The following NUCKS1 variants were observed in gnomAD, a reference collection of about 807,000 sequenced individuals.
The protein encoded by NUCKS1 is nuclear ubiquitous casein and cyclin-dependent kinase substrate 1.
Under a neutral mutation model 33.0 loss-of-function variants are expected in NUCKS1, and 2 were observed. The ratio of observed to expected loss-of-function variants is 0.06; its 90% CI spans 0.02 to 0.19. The LOEUF is 0.19. Ranked by LOEUF, NUCKS1 falls within the 10% of genes least tolerant of loss-of-function variation. The pLI, the probability that NUCKS1 is intolerant of heterozygous loss-of-function variation, is 1.00. For missense variants in NUCKS1, 201 were observed against 293.6 expected (o/e 0.68, Z 2.31); for synonymous variants, 106 against 102.8 (o/e 1.03, Z -0.19).
chr1:205,717,534 G>GA lies in NUCKS1; in HGVS notation c.*745dup. 1 of 983,724 alleles carries GA rather than the reference G, an allele frequency of 1.0e-6. No homozygotes were observed. The highest frequency in any genetic ancestry group is 1.2e-6 in the Non-Finnish European group (1 of 829,728). 60.9% of individuals were successfully genotyped at this position (983,724 alleles called of 1,614,324 possible). A position where few individuals can be genotyped will look rare whatever the true frequency, so the allele number is the denominator to read the frequency against. On this transcript the variant is annotated 3_prime_UTR_variant, in exon 7 of 7. Coordinates refer to ENST00000367142, the MANE Select transcript of NUCKS1 (RefSeq NM_022731.5). ...TTTAGCTCCCTAAAGACTGTAGCAG[G>GA]ATAAAAGGATCACTGGCTCCGAGTC...
At chr1:205,742,060 T>C (rs531897263) in intron 1 of NUCKS1, among the ~76,000 whole-genome samples, 82 of 152,348 alleles carry the variant, frequency 5.4e-4, no homozygotes, top group African/African-American at 1.6e-3. Flanking sequence ...CAGCAAGTCC[T>C]TGGAAGACAA....
chr1:205,748,183 T>G (rs1404457892), intron 1 of NUCKS1, among the ~76,000 whole-genome samples: 3 of 152,224 alleles, frequency 2.0e-5, no homozygotes. Flanking sequence ...AAAATCCAAG[T>G]TTTCCAGTAA....
chr1:205,749,124 C>G (rs1654406925), intron 1 of NUCKS1, among the ~76,000 whole-genome samples: 1 of 152,170 alleles, frequency 6.6e-6, no homozygotes, highest in Admixed American at 6.5e-5. Context: ...GACGCGTACG[C>G]GGGTGAGAGT....
chr1:205,733,346 T>C (rs1276208140), intron 1 of NUCKS1, among the ~76,000 whole-genome samples: 1 of 152,194 alleles, frequency 6.6e-6, no homozygotes, highest in Non-Finnish European at 1.5e-5. Context: ...GTAGTAGAGG[T>C]ACAGCTTAGC....
At position 205,712,945 on chromosome 1, in the gene NUCKS1, A is replaced by C. The variant is rs1671769587; in HGVS notation, c.*5335T>G. On this transcript the variant is annotated 3_prime_UTR_variant, in exon 7 of 7. Transcript: ENST00000367142. ...TTAAGAATCCTTACGCACCCAGTCC[A>C]GTGCTCCCTTAATTAATCAAACTGG... The C allele has an allele frequency of 6.6e-6, 1 of 152,234 alleles. No individual in the cohort carries two copies. The highest frequency in any genetic ancestry group is 1.5e-5 in the Non-Finnish European group (1 of 68,038). The allele number at this position is 152,234 out of a possible 1,614,324, so 9.4% of individuals were successfully genotyped here. A position where few individuals can be genotyped will look rare whatever the true frequency, so the allele number is the denominator to read the frequency against.
intron 2 of NUCKS1, among the ~76,000 whole-genome samples, chr1:205,729,298 A>G (rs1476271640): frequency 1.3e-5 from 2 of 152,330 alleles, no homozygotes; most frequent in Middle Eastern, 3.4e-3. Flanking sequence ...AGCAATGAAC[A>G]CTGTATCAGA....
chr1:205,718,066 C>T lies in NUCKS1; in HGVS notation c.*214G>A. 3 of 1,091,718 alleles carry T rather than the reference C, an allele frequency of 2.7e-6. No homozygotes were observed. The highest frequency in any genetic ancestry group is 3.4e-6 in the Non-Finnish European group (3 of 879,118). The allele number at this position is 1,091,718 out of a possible 1,614,324, so 67.6% of individuals were successfully genotyped here. On this transcript the variant is annotated 3_prime_UTR_variant, in exon 7 of 7. Transcript: ENST00000367142. ...GACAAAAAGGTAACTTAAACACTTA[C>T]ACATACAATGGTTTGCTTTAAAAAA...
intron 1 of NUCKS1, among the ~76,000 whole-genome samples, chr1:205,735,597 T>C (rs897587112): frequency 1.3e-5 from 2 of 152,186 alleles, no homozygotes; most frequent in Non-Finnish European, 2.9e-5. Flanking sequence ...CTCTTACTAG[T>C]TGTATATCCT....
Position 205,717,614 on chromosome 1 carries a change from G to T in NUCKS1, c.*666C>A, listed in dbSNP as rs1671845919. 1.0e-6 allele frequency: 1 copy of T among 984,862 alleles called. No homozygotes were observed. The allele number at this position is 984,862 out of a possible 1,614,324, so 61.0% of individuals were successfully genotyped here. On this transcript the variant is annotated 3_prime_UTR_variant, in exon 7 of 7. Coordinates refer to ENST00000367142, the MANE Select transcript of NUCKS1 (RefSeq NM_022731.5). ...AAGAAAGCCCATACCCTCAAATAAG[G>T]TCAGGTAACCCCATTGCCCACCCTC...
At chr1:205,727,257 G>A (rs1211449043) in intron 3 of NUCKS1, among the ~76,000 whole-genome samples, 1 of 152,114 alleles carries the variant, frequency 6.6e-6, no homozygotes, top group Non-Finnish European at 1.5e-5. Context: ...GAGCCACCAT[G>A]TACTCCTAAT....
At chr1:205,720,877 G>C (rs1671905731) in intron 4 of NUCKS1, among the ~76,000 whole-genome samples, 1 of 152,140 alleles carries the variant, frequency 6.6e-6, no homozygotes, top group Non-Finnish European at 1.5e-5. Context: ...ATCAATGATA[G>C]ACTGGATAAA....
At position 205,716,535 on chromosome 1, in the gene NUCKS1, T is replaced by A. The variant is rs1671825204; in HGVS notation, c.*1745A>T. On this transcript the variant is annotated 3_prime_UTR_variant, in exon 7 of 7. Transcript: ENST00000367142. ...TGTTCAAGTCCTGTATTTTTGGCCATGTAACTGAAAACTCCTTATTCATTC... is the reference window on the plus strand; with the variant it reads ...TGTTCAAGTCCTGTATTTTTGGCCAAGTAACTGAAAACTCCTTATTCATTC... The A allele has an allele frequency of 6.6e-6, 1 of 152,218 alleles. No homozygotes were observed. Among genetic ancestry groups the A allele is most frequent in the African/African-American group, 2.4e-5 (1 of 41,466 alleles). 9.4% of individuals were successfully genotyped at this position (152,218 alleles called of 1,614,324 possible). A position where few individuals can be genotyped will look rare whatever the true frequency, so the allele number is the denominator to read the frequency against.
At chr1:205,729,196 T>G (rs1653849501) in intron 2 of NUCKS1, among the ~76,000 whole-genome samples, 1 of 152,186 alleles carries the variant, frequency 6.6e-6, no homozygotes, top group Admixed American at 6.5e-5. Flanking sequence ...CTGGAACTCT[T>G]GACCTCAAGT....
intron 1 of NUCKS1, among the ~76,000 whole-genome samples, chr1:205,748,526 T>C (rs977777976): frequency 8.3e-4 from 127 of 152,236 alleles, no homozygotes; most frequent in Non-Finnish European, 1.3e-3. Flanking sequence ...CCAGACTCCT[T>C]GCCAAAAGGC....
At chr1:205,743,021 T>C (rs1053259888) in intron 1 of NUCKS1, among the ~76,000 whole-genome samples, 2 of 152,196 alleles carry the variant, frequency 1.3e-5, no homozygotes, top group Non-Finnish European at 2.9e-5. Flanking sequence ...CTTTTCAGCA[T>C]GCTCAATACT....
chr1:205,732,989 C>T (rs2102439930), intron 1 of NUCKS1, among the ~76,000 whole-genome samples: 2 of 151,976 alleles, frequency 1.3e-5, no homozygotes, highest in Middle Eastern at 6.8e-3. Flanking sequence ...GCAAACACGA[C>T]CATTTTCTGT....
chr1:205,723,431 C>CA (rs927113468), intron 4 of NUCKS1, among the ~76,000 whole-genome samples: 64 of 151,678 alleles, frequency 4.2e-4, no homozygotes, highest in African/African-American at 1.4e-3. Context: ...AAAATTTTTA[C>CA]AAAAAAAACT....
At chr1:205,732,258 G>C (rs1653933421) in intron 1 of NUCKS1, among the ~76,000 whole-genome samples, 1 of 152,068 alleles carries the variant, frequency 6.6e-6, no homozygotes. Context: ...TATTACCAAA[G>C]ATACTATATT....
At position 205,718,143 on chromosome 1, in the gene NUCKS1, A is replaced by G; in HGVS notation, c.*137T>C. 1 of 1,317,120 alleles carries G rather than the reference A, an allele frequency of 7.6e-7. No individual in the cohort carries two copies. 81.6% of individuals were successfully genotyped at this position (1,317,120 alleles called of 1,614,324 possible). A position where few individuals can be genotyped will look rare whatever the true frequency, so the allele number is the denominator to read the frequency against. On this transcript the variant is annotated 3_prime_UTR_variant, in exon 7 of 7. Transcript: ENST00000367142. The stretch of plus-strand genomic sequence containing the variant: ...AAATGTTACTTTCAACAAATGGAAA[A>G]AAGCACTGAAAGCCCATGAGTCAAG...
Sources: allele counts gnomAD v4.1 joint callset (sites outside exome capture counted in the v4.1 genomes callset), GRCh38; gene constraint gnomAD v4.1.1; transcripts MANE v1.5; gene names NCBI Gene and HGNC (gene_info 2026-07-23, HGNC 2026-07-21).